Variants in IL17RA observed in about 807,000 individuals in gnomAD.
IL17RA encodes interleukin 17 receptor A, also known as interleukin-17 receptor A.
A neutral mutation model predicts 50.4 loss-of-function variants in IL17RA; 34 were observed. The ratio of observed to expected loss-of-function variants is 0.67; its 90% CI spans 0.51 to 0.90. The LOEUF (loss-of-function observed/expected upper bound fraction) is 0.90. Ranked by LOEUF, IL17RA falls within the 40% of genes least tolerant of loss-of-function variation. IL17RA has a pLI of 0.00. For missense variants in IL17RA, 1,276 were observed against 1,169.8 expected (o/e 1.09, Z -1.32); for synonymous variants, 585 against 510.4 (o/e 1.15, Z -1.97).
intron 11 of IL17RA, among the ~76,000 whole-genome samples, chr22:17,107,509 G>A (rs937088351): frequency 2.0e-5 from 3 of 152,238 alleles, no homozygotes; most frequent in African/African-American, 7.2e-5. Context: ...GGAAGAAGCT[G>A]CATTTCAGAG....
At chr22:17,097,431 C>T (rs1376056014) in intron 2 of IL17RA, 1 of 508,996 alleles carries the variant, frequency 2.0e-6, no homozygotes, top group Non-Finnish European at 3.6e-6. Context: ...TGTTTTAATT[C>T]AAAGAGGCAC....
chr22:17,106,263 G>A (rs2123808312), intron 11 of IL17RA, among the ~76,000 whole-genome samples: 1 of 152,324 alleles, frequency 6.6e-6, no homozygotes, highest in Non-Finnish European at 1.5e-5. Context: ...ATCCAGGCAG[G>A]TGGAGCAGCC....
At chr22:17,105,147 T>A (rs1465861199) in intron 9 of IL17RA, among the ~76,000 whole-genome samples, 1 of 152,182 alleles carries the variant, frequency 6.6e-6, no homozygotes, top group Admixed American at 6.5e-5. Flanking sequence ...CCGTCCATTT[T>A]TTCATCCTCA....
chr22:17,091,732 T>A (rs2061349041), intron 1 of IL17RA, among the ~76,000 whole-genome samples: 1 of 152,220 alleles, frequency 6.6e-6, no homozygotes, highest in South Asian at 2.1e-4. Context: ...TGACACTTAT[T>A]TTTTTCTCTC....
chr22:17,088,358 G>A (rs530011968), intron 1 of IL17RA, among the ~76,000 whole-genome samples: 22 of 152,008 alleles, frequency 1.4e-4, no homozygotes, highest in South Asian at 4.2e-4. Flanking sequence ...TTGCTCTGTC[G>A]CCCAGGCTGG....
In IL17RA at chr22:17,097,905, T is replaced by A; in HGVS notation, c.272T>A (p.Phe91Tyr). The stretch of plus-strand genomic sequence containing the variant: ...GCCCACACCCAACAAGGAGACCTGT[T>A]CCCCGTGGCTCACATCGAATGGACA... The part of the protein sequence containing the change: ...HFAHTQQGDL[F>Y]PVAHIEWTLQ... Residue 91 changes from phenylalanine (F) to tyrosine (Y), a missense_variant, in exon 3 of 13, where the codon TTC becomes TAC. Physicochemically the swap from Phe to Tyr is conservative, Grantham distance 22 (BLOSUM62 3). Coordinates refer to ENST00000319363, the MANE Select transcript of IL17RA (RefSeq NM_014339.7). 1 of 1,614,114 alleles carries A rather than the reference T, an allele frequency of 6.2e-7. No individual in the cohort carries two copies. The highest frequency in any genetic ancestry group is 8.5e-7 in the Non-Finnish European group (1 of 1,180,004).
At chr22:17,094,905 C>T (rs923563172) in intron 1 of IL17RA, among the ~76,000 whole-genome samples, 32 of 151,308 alleles carry the variant, frequency 2.1e-4, no homozygotes, top group African/African-American at 7.8e-4. Flanking sequence ...GCAATCTATT[C>T]AACCATTTCT....
chr22:17,096,667 G>A (rs41436647), intron 1 of IL17RA, among the ~76,000 whole-genome samples: 16,351 of 151,812 alleles, frequency 0.11, 941 homozygotes, highest in African/African-American at 0.12. Context: ...TCAGGAGATC[G>A]AGATCATCCT....
chr22:17,088,463 C>A (rs41426844), intron 1 of IL17RA, among the ~76,000 whole-genome samples: 1 of 151,506 alleles, frequency 6.6e-6, no homozygotes, highest in South Asian at 2.1e-4. Context: ...GGATTACAGG[C>A]GCCCACCACT....
chr22:17,108,903 C>T lies in IL17RA; in HGVS notation c.1684C>T (p.Pro562Ser), dbSNP rs1045960937. The change falls in exon 13 of 13, where the codon CCG becomes TCG. Residue 562 changes from proline to serine, a missense_variant. By Grantham distance (74) the Pro-to-Ser change is moderately conservative (BLOSUM62 -1). Transcript: ENST00000319363. ...ELSGDNYLRS[P>S]GGRQLRAALD... ...GTCGGGGGACAACTACCTGCGGAGCCCGGGCGGCAGGCAGCTCCGCGCCGC... is the reference window on the plus strand; with the variant it reads ...GTCGGGGGACAACTACCTGCGGAGCTCGGGCGGCAGGCAGCTCCGCGCCGC... The T allele has an allele frequency of 1.7e-5, 27 of 1,611,464 alleles. No homozygotes were observed. The Admixed American group carries it at 4.0e-4, about 24-fold the overall frequency.
Position 17,109,730 on chromosome 22 carries a change from G to C in IL17RA, c.2511G>C (p.Arg837Ser). 1 of 1,574,980 alleles carries C rather than the reference G, an allele frequency of 6.3e-7. No homozygotes were observed. Among genetic ancestry groups the C allele is most frequent in the South Asian group, 1.2e-5 (1 of 86,298 alleles). Residue 837 changes from arginine to serine, a missense_variant, in exon 13 of 13, where the codon AGG (arginine) becomes AGC (serine). Transcript: ENST00000319363. The stretch of plus-strand genomic sequence containing the variant: ...CTCCCGAGGACCTGGAGAGCCTGAG[G>C]AGCCTCCAGCGGCAGCTGCTTTTCC... ...PLSPEDLESLRSLQRQLLFRQ... is the reference protein window; with the variant it reads ...PLSPEDLESLSSLQRQLLFRQ...
Position 17,097,889 on chromosome 22 carries a change from C to G in IL17RA, c.256C>G (p.Gln86Glu). The change falls in exon 3 of 13, where the codon CAA becomes GAA. Residue 86 changes from glutamine (Q) to glutamate (E), a missense_variant. Transcript: ENST00000319363. ...LQIQLHFAHT[Q>E]QGDLFPVAHI... Reference sequence around the variant, plus strand: ...GATCCAGCTGCACTTTGCCCACACCCAACAAGGAGACCTGTTCCCCGTGGC... The same window carrying G: ...GATCCAGCTGCACTTTGCCCACACCGAACAAGGAGACCTGTTCCCCGTGGC... 1 of 1,614,214 alleles carries G rather than the reference C, an allele frequency of 6.2e-7. No homozygotes were observed. The highest frequency in any genetic ancestry group is 8.5e-7 in the Non-Finnish European group (1 of 1,180,042).
At chr22:17,094,662 T>TCTCTCTCTCTCTCTCTCTCTCTCC (rs1601338800) in intron 1 of IL17RA, among the ~76,000 whole-genome samples, 3 of 35,238 alleles carry the variant, frequency 8.5e-5, no homozygotes, top group Non-Finnish European at 1.6e-4. Flanking sequence ...ACACACTCTC[T>TCTCTCTCTCTCTCTCTCTCTCTCC]CTCTCTCTCT....
intron 1 of IL17RA, among the ~76,000 whole-genome samples, chr22:17,085,552 G>T (rs2061324410): frequency 6.6e-6 from 1 of 152,148 alleles, no homozygotes; most frequent in Non-Finnish European, 1.5e-5. Context: ...AGGAGGGCGC[G>T]GCGCTGGGCC....
intron 4 of IL17RA, among the ~76,000 whole-genome samples, chr22:17,099,769 G>A (rs1393933494): frequency 6.6e-6 from 1 of 152,136 alleles, no homozygotes; most frequent in Non-Finnish European, 1.5e-5. Flanking sequence ...ACTAGAATGG[G>A]GGTTGGAGTC....
chr22:17,105,520 G>C, intron 9 of IL17RA, 71 bp from the exon 10 acceptor site: 1 of 1,486,716 alleles, frequency 6.7e-7, no homozygotes, highest in Non-Finnish European at 9.4e-7. Context: ...AGGGACGTCA[G>C]TTGTGTTTCT....
chr22:17,104,859 G>A (rs1216775340), intron 9 of IL17RA, 49 bp downstream of exon 9: 2 of 1,566,122 alleles, frequency 1.3e-6, no homozygotes, highest in Non-Finnish European at 8.8e-7. Flanking sequence ...ACAAGTGGCT[G>A]AAGGCCCCCA....
intron 11 of IL17RA, among the ~76,000 whole-genome samples, 176 bp from the exon 12 acceptor site, chr22:17,107,551 G>A (rs554345784): frequency 9.9e-5 from 15 of 152,232 alleles, no homozygotes; most frequent in African/African-American, 4.8e-5. Flanking sequence ...CATAGTGCTC[G>A]TAGTGGCAGA....
At chr22:17,089,087 C>T (rs1344377140) in intron 1 of IL17RA, among the ~76,000 whole-genome samples, 1 of 152,090 alleles carries the variant, frequency 6.6e-6, no homozygotes. Flanking sequence ...TGAGCCAATG[C>T]GCCTGGCCAA....
Sources: allele counts gnomAD v4.1 joint callset (sites outside exome capture counted in the v4.1 genomes callset), GRCh38; gene constraint gnomAD v4.1.1; transcripts MANE v1.5; gene names NCBI Gene and HGNC (gene_info 2026-07-23, HGNC 2026-07-21).